TFB1M: variants seen among roughly 807,000 people sequenced by gnomAD.
The protein encoded by TFB1M is transcription factor B1, mitochondrial.
A neutral mutation model predicts 31.1 loss-of-function variants in TFB1M; 27 were observed. The observed-to-expected ratio is 0.87, with a 90% CI of 0.64 to 1.20. The LOEUF (loss-of-function observed/expected upper bound fraction) is 1.20, where lower values mean the gene tolerates loss of function less well. Among genes scored for constraint, TFB1M ranks in the 50% most tolerant of loss-of-function variants. The pLI, the probability that TFB1M is intolerant of heterozygous loss-of-function variation, is 0.00. For synonymous variants in TFB1M, 166 were observed against 151.8 expected, an observed-to-expected ratio of 1.09 and a Z score of -0.69; for missense variants, 394 against 418.7, an observed-to-expected ratio of 0.94 and a Z score of 0.51.
intron 2 of TFB1M, among the ~76,000 whole-genome samples, chr6:155,299,280 A>G (rs1352480283): frequency 6.6e-6 from 1 of 152,150 alleles, no homozygotes. Context: ...TTGTGAGCAA[A>G]AAGGGGAAAA....
At chr6:155,292,435 G>A (rs1776972864) in intron 4 of TFB1M, among the ~76,000 whole-genome samples, 1 of 152,140 alleles carries the variant, frequency 6.6e-6, no homozygotes, top group African/African-American at 2.4e-5. Flanking sequence ...AGAACCAGGG[G>A]AAGGCAGGAG....
intron 4 of TFB1M, among the ~76,000 whole-genome samples, chr6:155,292,187 C>T (rs140963098): frequency 4.6e-5 from 7 of 152,222 alleles, no homozygotes; most frequent in African/African-American, 1.4e-4. Context: ...GGGAGCCAGA[C>T]CTGGAGATCT....
In TFB1M at chr6:155,260,508, T is replaced by C; in HGVS notation, c.667-108A>G. The C allele has an allele frequency of 4.2e-6, 6 of 1,436,702 alleles. No individual in the cohort carries two copies. In the South Asian group the frequency reaches 4.7e-5, roughly 11 times the overall value. The allele number at this position is 1,436,702 out of a possible 1,614,324, so 89.0% of individuals were successfully genotyped here. A position where few individuals can be genotyped will look rare whatever the true frequency, so the allele number is the denominator to read the frequency against. On this transcript the variant is annotated intron_variant, in intron 5 of 6. Coordinates refer to ENST00000367166, the MANE Select transcript of TFB1M (RefSeq NM_016020.4). ...GAGGATGGGCTGTCAACAGCCTGTTTTCATAAACAGACCTTTCCACGTACT... is the reference window on the plus strand; with the variant it reads ...GAGGATGGGCTGTCAACAGCCTGTTCTCATAAACAGACCTTTCCACGTACT...
At chr6:155,308,935 G>A (rs992451405) in intron 2 of TFB1M, among the ~76,000 whole-genome samples, 2 of 151,748 alleles carry the variant, frequency 1.3e-5, no homozygotes, top group Non-Finnish European at 2.9e-5. Context: ...TTCCTCACTG[G>A]GGAAAAAAAG....
intron 5 of TFB1M, among the ~76,000 whole-genome samples, chr6:155,266,573 G>A (rs1218049135): frequency 6.6e-6 from 1 of 152,020 alleles, no homozygotes; most frequent in African/African-American, 2.4e-5. Flanking sequence ...GAGGCTGGGC[G>A]CTGTGGCTCA....
chr6:155,286,592 T>C (rs1203862857), intron 4 of TFB1M, among the ~76,000 whole-genome samples: 1 of 145,796 alleles, frequency 6.9e-6, no homozygotes, highest in Admixed American at 6.8e-5. Flanking sequence ...TATGTATATG[T>C]GTGTATATAT....
chr6:155,260,342 A>G lies in TFB1M; in HGVS notation c.725T>C (p.Phe242Ser). ...CTGAACCACTTTTTCCACCAGCTTG[A>G]ATGGCTGCTCTATCTTGGGCTGTAT... Reference protein sequence around the residue: ...PLIQPKIEQPFKLVEKVVQNV... With the variant: ...PLIQPKIEQPSKLVEKVVQNV... The change falls in exon 6 of 7, where the codon TTC (phenylalanine) becomes TCC (serine). Residue 242 changes from phenylalanine to serine, a missense_variant. Transcript: ENST00000367166. 6.2e-7 allele frequency: 1 copy of G among 1,614,232 alleles called. No homozygotes were observed. Among genetic ancestry groups the G allele is most frequent in the Non-Finnish European group, 8.5e-7 (1 of 1,180,038 alleles).
intron 2 of TFB1M, 34 bp downstream of exon 2, chr6:155,311,154 T>C (rs954905595): frequency 2.5e-6 from 4 of 1,613,108 alleles, no homozygotes; most frequent in African/African-American, 1.3e-5. Flanking sequence ...AATTCAGCTT[T>C]TGCCTCCTAA....
intron 4 of TFB1M, among the ~76,000 whole-genome samples, chr6:155,285,607 T>C (rs942432715): frequency 7.2e-5 from 11 of 152,214 alleles, no homozygotes; most frequent in African/African-American, 2.7e-4. Flanking sequence ...CAATAAATAC[T>C]TGATGAAGAA....
rs1464304459 is a variant in TFB1M, at chr6:155,258,022, G to A, written c.855C>T (p.Asp285=). The change falls in exon 7 of 7, where the codon GAC becomes GAT. Residue 285 remains aspartate (D), a synonymous_variant. Coordinates refer to ENST00000367166, the MANE Select transcript of TFB1M (RefSeq NM_016020.4). ...GGCGGGGCCGAAGAGTAGGGTCTATGTCTGCCAACTCTAACAGCCTGCCCG... is the reference window on the plus strand; with the variant it reads ...GGCGGGGCCGAAGAGTAGGGTCTATATCTGCCAACTCTAACAGCCTGCCCG... The part of the protein sequence containing the change: ...ESTGRLLELA[D]IDPTLRPRQL... The A allele has an allele frequency of 1.2e-6, 2 of 1,614,084 alleles. No individual in the cohort carries two copies. The highest frequency in any genetic ancestry group is 1.7e-6 in the Non-Finnish European group (2 of 1,180,022).
chr6:155,264,641 C>G (rs1784536717), intron 5 of TFB1M, among the ~76,000 whole-genome samples: 1 of 151,952 alleles, frequency 6.6e-6, no homozygotes, highest in African/African-American at 2.4e-5. Context: ...GTTTTTTTCT[C>G]TTTCTTCTTG....
intron 4 of TFB1M, among the ~76,000 whole-genome samples, chr6:155,285,560 TA>T (rs1367087761): frequency 1.3e-5 from 2 of 152,238 alleles, no homozygotes; most frequent in Non-Finnish European, 2.9e-5. Flanking sequence ...ACCACTGTTA[TA>T]TTCTATAGCA....
At chr6:155,233,361 G>A in the TFB1M span, among the ~76,000 whole-genome samples, 10 of 152,140 alleles carry the variant, frequency 6.6e-5, no homozygotes, top group African/African-American at 2.2e-4. Flanking sequence ...GAAAAGTATT[G>A]CACTGAACCC....
chr6:155,311,361 T>C (rs201975287), intron 1 of TFB1M, 22 bp from the exon 2 acceptor site: 2 of 1,608,946 alleles, frequency 1.2e-6, no homozygotes, highest in Non-Finnish European at 1.7e-6. Context: ...AGAGTTTTAG[T>C]TATCTCAATT....
intron 5 of TFB1M, chr6:155,275,806 C>G: frequency 6.2e-7 from 1 of 1,614,118 alleles, no homozygotes; most frequent in Non-Finnish European, 8.5e-7. Flanking sequence ...TGCTGCCCAA[C>G]TGGAAGGTGA....
chr6:155,309,896 A>G (rs1221047513), intron 2 of TFB1M, among the ~76,000 whole-genome samples: 1 of 152,212 alleles, frequency 6.6e-6, no homozygotes, highest in African/African-American at 2.4e-5. Context: ...AATATGTGCC[A>G]TGTGACTATC....
intron 4 of TFB1M, among the ~76,000 whole-genome samples, chr6:155,293,943 G>A (rs1777046039): frequency 6.6e-6 from 1 of 152,038 alleles, no homozygotes; most frequent in South Asian, 2.1e-4. Context: ...CTCCAATCTG[G>A]ACTGGTTGTT....
chr6:155,244,211 T>G, the TFB1M span: 131 of 868,990 alleles, frequency 1.5e-4, no homozygotes, highest in Non-Finnish European at 2.2e-4. Context: ...CTTCTGAGAG[T>G]CCCAGGCATA....
intron 5 of TFB1M, 47 bp from the exon 6 acceptor site, chr6:155,260,447 C>T: frequency 6.2e-7 from 1 of 1,613,040 alleles, no homozygotes; most frequent in Non-Finnish European, 8.5e-7. Flanking sequence ...TGATATGTGG[C>T]ATAGTGTGAT....
Sources: allele counts gnomAD v4.1 joint callset (sites outside exome capture counted in the v4.1 genomes callset), GRCh38; gene constraint gnomAD v4.1.1; transcripts MANE v1.5; gene names NCBI Gene and HGNC (gene_info 2026-07-23, HGNC 2026-07-21).